Variants in CRLS1 observed in about 807,000 individuals in gnomAD.
CRLS1 encodes cardiolipin synthase 1.
CRLS1 carries 24 observed loss-of-function variants against 37.0 expected under a neutral mutation model. The observed-to-expected ratio is 0.65, with a 90% CI of 0.47 to 0.91. CRLS1 has a LOEUF of 0.91. Among genes scored for constraint, CRLS1 ranks in the 40% least tolerant of loss-of-function variants. CRLS1 has a pLI of 0.00. For synonymous variants in CRLS1, 135 were observed against 159.7 expected (o/e 0.85, Z 1.17); for missense variants, 373 against 395.8 (o/e 0.94, Z 0.49).
intron 3 of CRLS1, among the ~76,000 whole-genome samples, chr20:6,029,073 T>G (rs2123009128): frequency 6.6e-6 from 1 of 152,298 alleles, no homozygotes; most frequent in Non-Finnish European, 1.5e-5. Flanking sequence ...AGAGCTTTCA[T>G]CTAGGCTTTT....
At chr20:6,033,698 A>C (rs1980350047) in intron 5 of CRLS1, among the ~76,000 whole-genome samples, 1 of 152,038 alleles carries the variant, frequency 6.6e-6, no homozygotes, top group East Asian at 1.9e-4. Flanking sequence ...TTTTTCTTTG[A>C]AACGGGGTCT....
Position 6,015,419 on chromosome 20 carries a change from T to C in CRLS1, c.503T>C (p.Leu168Pro), listed in dbSNP as rs1294906141. ...CAAAGATCAGCTTTGGGAAGTGCTCTTGATCCACTTGCTGATAAAATACTT... is the reference window on the plus strand; with the variant it reads ...CAAAGATCAGCTTTGGGAAGTGCTCCTGATCCACTTGCTGATAAAATACTT... ...ANQRSALGSA[L>P]DPLADKILIS... The change falls in exon 3 of 7, where the codon CTT becomes CCT. Residue 168 changes from leucine (L) to proline (P), a missense_variant. Transcript: ENST00000378863. The C allele has an allele frequency of 6.2e-7, 1 of 1,611,432 alleles. No individual in the cohort carries two copies. Among genetic ancestry groups the C allele is most frequent in the African/African-American group, 1.3e-5 (1 of 74,970 alleles).
In CRLS1 at chr20:6,025,242, A is replaced by G. The variant is rs189650587; in HGVS notation, c.575-6043A>G. On this transcript the variant is annotated intron_variant, in intron 3 of 6. Coordinates refer to ENST00000378863, the MANE Select transcript of CRLS1 (RefSeq NM_019095.6). ...GAGGCCAATGAAGCCAGTGAGTTTA[A>G]GTTGAAGCCAGTGCTAATTTATCAT... Among the ~76,000 whole-genome samples the G allele has an allele frequency of 5.9e-5, 9 of 152,324 alleles. No homozygotes were observed. In the East Asian group the frequency reaches 1.5e-3, roughly 26 times the overall value.
intron 3 of CRLS1, among the ~76,000 whole-genome samples, chr20:6,021,606 A>G (rs951888495): frequency 1.3e-4 from 20 of 149,644 alleles, no homozygotes; most frequent in African/African-American, 4.9e-4. Context: ...TGTAAATAAC[A>G]TATTTATGTA....
rs2122911230 is a variant in CRLS1, at chr20:6,009,790, A to G, written c.322A>G (p.Thr108Ala). The G allele has an allele frequency of 6.2e-7, 1 of 1,613,400 alleles. No homozygotes were observed. The highest frequency in any genetic ancestry group is 8.5e-7 in the Non-Finnish European group (1 of 1,179,634). ...STPSLYENPW[T>A]IPNMLSMTRI... ...TGTGTTTCAGTATGAAAACCCATGG[A>G]CAATCCCGAATATGTTGTCAATGAC... Residue 108 changes from threonine (T) to alanine (A), a missense_variant, in exon 2 of 7, where the codon ACA (threonine) becomes GCA (alanine). Coordinates refer to ENST00000378863, the MANE Select transcript of CRLS1 (RefSeq NM_019095.6).
chr20:6,022,887 A>G (rs1031905046), intron 3 of CRLS1, among the ~76,000 whole-genome samples: 9 of 152,016 alleles, frequency 5.9e-5, no homozygotes, highest in African/African-American at 1.9e-4. Context: ...CAGTATACCT[A>G]TGTTAGACGT....
chr20:6,015,844 A>G, intron 3 of CRLS1: 1 of 273,902 alleles, frequency 3.7e-6, no homozygotes, highest in Non-Finnish European at 7.2e-6. Context: ...TACGTTTATT[A>G]TCTTTATTAA....
chr20:6,006,353 C>T lies in CRLS1; in HGVS notation c.107C>T (p.Pro36Leu), dbSNP rs2090054154. The T allele has an allele frequency of 1.4e-6, 2 of 1,384,394 alleles. No individual in the cohort carries two copies. The highest frequency in any genetic ancestry group is 1.9e-6 in the Non-Finnish European group (2 of 1,065,944). The allele number at this position is 1,384,394 out of a possible 1,614,324, so 85.8% of individuals were successfully genotyped here. A position where few individuals can be genotyped will look rare whatever the true frequency, so the allele number is the denominator to read the frequency against. ...SKRRACWALL[P>L]PVPCCLGCLA... ...CGACGCGCCTGCTGGGCCCTGCTGC[C>T]GCCCGTGCCCTGCTGCTTGGGCTGC... Residue 36 changes from proline to leucine, a missense_variant, in exon 1 of 7, where the codon CCG (proline) becomes CTG (leucine). Pro to Leu is a moderately conservative substitution (Grantham distance 98). Coordinates refer to ENST00000378863, the MANE Select transcript of CRLS1 (RefSeq NM_019095.6).
In CRLS1 at chr20:6,033,130, T is replaced by A. The variant is rs900743926; in HGVS notation, c.729+1050T>A. 1.7e-4 allele frequency among the ~76,000 whole-genome samples: 25 copies of A among 150,964 alleles called. No homozygotes were observed. The South Asian group carries it at 2.7e-3, about 16-fold the overall frequency. On this transcript the variant is annotated intron_variant, in intron 5 of 6. Coordinates refer to ENST00000378863, the MANE Select transcript of CRLS1 (RefSeq NM_019095.6). The stretch of plus-strand genomic sequence containing the variant: ...ATTTTAATTTAATTTAATTTTATTT[T>A]ATTTTATTATTTTTTATAGATGAAT...
intron 2 of CRLS1, among the ~76,000 whole-genome samples, chr20:6,011,264 T>C (rs1026173761): frequency 2.0e-5 from 3 of 152,184 alleles, no homozygotes; most frequent in African/African-American, 4.8e-5. Flanking sequence ...CGAGAGAAAC[T>C]AGTTTTATAT....
chr20:6,014,902 T>C (rs1420364476), intron 2 of CRLS1, among the ~76,000 whole-genome samples: 1 of 152,200 alleles, frequency 6.6e-6, no homozygotes, highest in Non-Finnish European at 1.5e-5. Flanking sequence ...AGTCAGAGTA[T>C]GGAATAAACA....
In CRLS1 at chr20:6,015,347, ACTT is replaced by A; in HGVS notation, c.445-11_445-9del. The A allele has an allele frequency of 6.5e-7, 1 of 1,533,252 alleles. No individual in the cohort carries two copies. The allele number at this position is 1,533,252 out of a possible 1,614,324, so 95.0% of individuals were successfully genotyped here. Reference sequence around the variant, plus strand: ...ATGACATTTATATATATAAAAAAAAACTTCTATTTTCAGTTGGATGGATTTATT... The same window carrying A: ...ATGACATTTATATATATAAAAAAAAACTATTTTCAGTTGGATGGATTTATT... On this transcript the variant is annotated splice_polypyrimidine_tract_variant and intron_variant, in intron 2 of 6. Coordinates refer to ENST00000378863, the MANE Select transcript of CRLS1 (RefSeq NM_019095.6).
intron 3 of CRLS1, chr20:6,015,696 A>G: frequency 3.9e-6 from 2 of 511,214 alleles, no homozygotes; most frequent in East Asian, 3.7e-5. Flanking sequence ...TAGTAAAATC[A>G]GTTGCTTTCC....
At chr20:6,011,923 A>G (rs764516530) in intron 2 of CRLS1, among the ~76,000 whole-genome samples, 12 of 151,238 alleles carry the variant, frequency 7.9e-5, no homozygotes, top group Non-Finnish European at 1.8e-4. Flanking sequence ...TTCATTGTTA[A>G]TATTATCTCC....
intron 2 of CRLS1, among the ~76,000 whole-genome samples, chr20:6,011,097 T>C (rs548909037): frequency 6.6e-6 from 1 of 152,204 alleles, no homozygotes; most frequent in African/African-American, 2.4e-5. Flanking sequence ...GGAATAATTT[T>C]AAACCAGGGC....
chr20:6,022,749 T>C (rs1197224618), intron 3 of CRLS1, among the ~76,000 whole-genome samples: 2 of 152,230 alleles, frequency 1.3e-5, no homozygotes, highest in African/African-American at 2.4e-5. Context: ...AGTTTCTGTT[T>C]TATTCTGCTT....
At chr20:6,020,120 T>C (rs1303679026) in intron 3 of CRLS1, among the ~76,000 whole-genome samples, 4 of 152,264 alleles carry the variant, frequency 2.6e-5, no homozygotes, top group African/African-American at 7.2e-5. Flanking sequence ...TATTGTCATT[T>C]TAACATGTAA....
At chr20:6,007,347 G>C in intron 1 of CRLS1, 1 of 1,611,502 alleles carries the variant, frequency 6.2e-7, no homozygotes, top group Non-Finnish European at 8.5e-7. Context: ...TGGATACTTT[G>C]AAGTTGCCAT....
At chr20:6,011,932 C>A (rs1978349379) in intron 2 of CRLS1, among the ~76,000 whole-genome samples, 1 of 151,864 alleles carries the variant, frequency 6.6e-6, no homozygotes, top group Admixed American at 6.6e-5. Flanking sequence ...AATATTATCT[C>A]CAAGTCTGTC....
Sources: gnomAD v4.1 joint callset for allele counts (sites outside exome capture counted in the v4.1 genomes callset) on GRCh38, gnomAD v4.1.1 for gene constraint, MANE v1.5 for transcripts, NCBI Gene and HGNC (gene_info 2026-07-23, HGNC 2026-07-21) for gene names.